Variants in UBE2E2 observed in about 807,000 individuals in gnomAD.
UBE2E2 encodes the protein ubiquitin conjugating enzyme E2 E2.
UBE2E2 carries 6 observed loss-of-function variants against 24.7 expected under a neutral mutation model. The ratio of observed to expected loss-of-function variants is 0.24; its 90% CI spans 0.13 to 0.48. UBE2E2 has a LOEUF of 0.48. UBE2E2 is among the 20% of genes least tolerant of loss of function. The pLI, the probability that UBE2E2 is intolerant of heterozygous loss-of-function variation, is 0.99. For missense variants in UBE2E2, 169 were observed against 245.0 expected (o/e 0.69, Z 2.07); for synonymous variants, 104 against 83.6 (o/e 1.24, Z -1.33).
chr3:23,571,280 C>CTTTTTTT (rs59243406), intron 5 of UBE2E2, among the ~76,000 whole-genome samples: 478 of 29,874 alleles, frequency 0.016, 185 homozygotes, highest in East Asian at 0.041. Context: ...GTGCTCCTTT[C>CTTTTTTT]TTTTTTTTTT....
chr3:23,424,146 C>G (rs370002057), intron 3 of UBE2E2, among the ~76,000 whole-genome samples: 4 of 152,118 alleles, frequency 2.6e-5, no homozygotes, highest in African/African-American at 9.7e-5. Flanking sequence ...CTCTCAAACC[C>G]TTCAGAAAAT....
At chr3:23,406,606 G>A (rs1327784164) in intron 3 of UBE2E2, among the ~76,000 whole-genome samples, 1 of 152,146 alleles carries the variant, frequency 6.6e-6, no homozygotes, top group Non-Finnish European at 1.5e-5. Flanking sequence ...GGGTTCCTAG[G>A]TGGAAAGATT....
intron 1 of UBE2E2, among the ~76,000 whole-genome samples, chr3:23,203,710 C>G (rs1384583196): frequency 7.4e-6 from 1 of 134,670 alleles, no homozygotes; most frequent in African/African-American, 2.8e-5. Flanking sequence ...TGCCTCTTCT[C>G]TCCCTGTCCT....
intron 3 of UBE2E2, among the ~76,000 whole-genome samples, chr3:23,454,775 C>G (rs1003071361): frequency 1.3e-5 from 2 of 152,204 alleles, no homozygotes; most frequent in South Asian, 2.1e-4. Flanking sequence ...TGATAGCATA[C>G]AAATTCAAGC....
intron 5 of UBE2E2, among the ~76,000 whole-genome samples, chr3:23,556,243 C>G (rs1460766886): frequency 7.0e-6 from 1 of 143,168 alleles, no homozygotes; most frequent in African/African-American, 2.6e-5. Flanking sequence ...CTCCCAGGTT[C>G]AAGCGATTCT....
chr3:23,203,150 G>A (rs1419251149), upstream of UBE2E2: 15 of 985,050 alleles, frequency 1.5e-5, no homozygotes, highest in East Asian at 2.3e-4. Context: ...GGCTCCCGGA[G>A]GTGGTGGCTT....
At chr3:23,323,670 A>G (rs550079938) in intron 3 of UBE2E2, 21 of 293,042 alleles carry the variant, frequency 7.2e-5, no homozygotes, top group African/African-American at 3.9e-4. Flanking sequence ...GATAAGGGCT[A>G]TTCAACTTGT....
intron 3 of UBE2E2, among the ~76,000 whole-genome samples, chr3:23,352,363 A>C (rs1378352558): frequency 6.6e-6 from 1 of 152,208 alleles, no homozygotes; most frequent in African/African-American, 2.4e-5. Context: ...ACCTAGCAGA[A>C]GGCAAGAAAT....
At chr3:23,338,519 A>G (rs948188993) in intron 3 of UBE2E2, among the ~76,000 whole-genome samples, 1 of 152,194 alleles carries the variant, frequency 6.6e-6, no homozygotes, top group Non-Finnish European at 1.5e-5. Context: ...AGCTCCAGTC[A>G]ATACACCCAG....
At chr3:23,584,700 C>T (rs1482624605) in intron 5 of UBE2E2, among the ~76,000 whole-genome samples, 3 of 149,838 alleles carry the variant, frequency 2.0e-5, no homozygotes, top group African/African-American at 7.4e-5. Context: ...ACCACAGGTA[C>T]ATGCCACCAC....
intron 5 of UBE2E2, among the ~76,000 whole-genome samples, chr3:23,572,077 A>G (rs973045677): frequency 1.3e-5 from 2 of 152,248 alleles, no homozygotes; most frequent in African/African-American, 2.4e-5. Flanking sequence ...CTGAAGCAGT[A>G]GCACATGTTG....
At chr3:23,379,808 A>G (rs1447364657) in intron 3 of UBE2E2, among the ~76,000 whole-genome samples, 2 of 152,132 alleles carry the variant, frequency 1.3e-5, no homozygotes, top group Non-Finnish European at 2.9e-5. Context: ...TAGGGCAGGT[A>G]AGCTCTAAGT....
chr3:23,504,907 TCTTTC>T (rs1694400348), intron 4 of UBE2E2, among the ~76,000 whole-genome samples: 1 of 134,444 alleles, frequency 7.4e-6, no homozygotes, highest in Non-Finnish European at 1.6e-5. Context: ...TTTCAGACAT[TCTTTC>T]TTTTTTTTTT....
At chr3:23,228,729 A>G (rs931118714) in intron 3 of UBE2E2, among the ~76,000 whole-genome samples, 1 of 152,108 alleles carries the variant, frequency 6.6e-6, no homozygotes, top group African/African-American at 2.4e-5. Context: ...TACTTTAGGG[A>G]CCTAATGAGA....
chr3:23,383,629 G>A (rs1207036630), intron 3 of UBE2E2, among the ~76,000 whole-genome samples: 4 of 148,396 alleles, frequency 2.7e-5, no homozygotes, highest in Non-Finnish European at 4.5e-5. Flanking sequence ...AAAAGATACT[G>A]AGGTTTTTTT....
chr3:23,312,592 A>G (rs529657752), intron 3 of UBE2E2, among the ~76,000 whole-genome samples: 1 of 150,890 alleles, frequency 6.6e-6, no homozygotes, highest in African/African-American at 2.4e-5. Flanking sequence ...TGTTTTGTTG[A>G]TTTTTTATAT....
chr3:23,505,078 G>GTT (rs57451477), intron 4 of UBE2E2, among the ~76,000 whole-genome samples: 3 of 139,568 alleles, frequency 2.1e-5, no homozygotes, highest in Admixed American at 1.4e-4. Flanking sequence ...GCTAATTTTT[G>GTT]TTTTTTTTTT....
At chr3:23,523,779 C>G (rs181542787) in intron 4 of UBE2E2, among the ~76,000 whole-genome samples, 4 of 151,098 alleles carry the variant, frequency 2.6e-5, no homozygotes, top group Non-Finnish European at 5.9e-5. Flanking sequence ...GTGCAGTGCT[C>G]TCAAATTGGT....
intron 3 of UBE2E2, among the ~76,000 whole-genome samples, chr3:23,319,712 G>A (rs1348232601): frequency 3.4e-5 from 5 of 149,222 alleles, no homozygotes; most frequent in African/African-American, 1.2e-4. Context: ...CTACTTTTGA[G>A]GCTGAGGCAG....
Sources: allele counts gnomAD v4.1 joint callset (sites outside exome capture counted in the v4.1 genomes callset), GRCh38; gene constraint gnomAD v4.1.1; transcripts MANE v1.5; gene names NCBI Gene and HGNC (gene_info 2026-07-23, HGNC 2026-07-21).